HMGCLL1: variants seen among roughly 807,000 people sequenced by gnomAD.
HMGCLL1 encodes the protein 3-hydroxymethyl-3-methylglutaryl-CoA lyase, cytoplasmic.
HMGCLL1 carries 36 observed loss-of-function variants against 39.1 expected under a neutral mutation model. The observed-to-expected ratio is 0.92, with a 90% confidence interval of 0.71 to 1.22. HMGCLL1 has a LOEUF of 1.22. Among genes scored for constraint, HMGCLL1 ranks in the 50% most tolerant of loss-of-function variants. The pLI is 0.00. For missense variants in HMGCLL1, 451 were observed against 416.5 expected, an observed-to-expected ratio of 1.08 and a Z score of -0.72; for synonymous variants, 149 against 144.0, an observed-to-expected ratio of 1.03 and a Z score of -0.25.
At chr6:55,556,387 C>T (rs1770667800) in intron 1 of HMGCLL1, among the ~76,000 whole-genome samples, 1 of 152,108 alleles carries the variant, frequency 6.6e-6, no homozygotes, top group Non-Finnish European at 1.5e-5. Context: ...TCCTGAGGAA[C>T]AGCCTTCTAT....
At chr6:55,641,036 ATAAAT>A in the HMGCLL1 span, among the ~76,000 whole-genome samples, 1 of 151,872 alleles carries the variant, frequency 6.6e-6, no homozygotes. Flanking sequence ...CCATTAAGAA[ATAAAT>A]TAGAGTAATA....
chr6:55,579,684 G>C (rs760199463), upstream of HMGCLL1, among the ~76,000 whole-genome samples: 1 of 152,222 alleles, frequency 6.6e-6, no homozygotes, highest in South Asian at 2.1e-4. Flanking sequence ...GGTACTCTCA[G>C]AGGTACGTTC....
intron 7 of HMGCLL1, among the ~76,000 whole-genome samples, chr6:55,456,530 A>C (rs1233944714): frequency 1.3e-5 from 2 of 152,220 alleles, no homozygotes; most frequent in African/African-American, 4.8e-5. Flanking sequence ...TCTTCATCAC[A>C]GGAGACTGAT....
chr6:55,528,020 C>T (rs1432533801), intron 3 of HMGCLL1, among the ~76,000 whole-genome samples: 1 of 151,820 alleles, frequency 6.6e-6, no homozygotes, highest in Non-Finnish European at 1.5e-5. Flanking sequence ...ACCTATAAGC[C>T]CTCATTTTTC....
At position 55,522,031 on chromosome 6, in the gene HMGCLL1, G is replaced by A. The variant is rs1398973733; in HGVS notation, c.298-5428C>T. ...CTTATTGCTGAAACGGAGAAAGTTT[G>A]AGTGGTCTAGGCAGAAGATCAAACC... On this transcript the variant is annotated intron_variant, in intron 3 of 8. Coordinates refer to ENST00000274901, the MANE Select transcript of HMGCLL1 (RefSeq NM_001042406.2). Among the ~76,000 whole-genome samples, 3 of 151,954 alleles carry A rather than the reference G, an allele frequency of 2.0e-5. No homozygotes were observed. In the East Asian group the frequency reaches 5.8e-4, roughly 29 times the overall value.
At chr6:55,484,254 C>A (rs934004456) in intron 7 of HMGCLL1, among the ~76,000 whole-genome samples, 1 of 151,912 alleles carries the variant, frequency 6.6e-6, no homozygotes, top group Non-Finnish European at 1.5e-5. Flanking sequence ...TTCTTGAAAC[C>A]CTTTTTTGAG....
the HMGCLL1 span, among the ~76,000 whole-genome samples, chr6:55,655,344 C>G: frequency 8.1e-3 from 1,222 of 151,698 alleles, 62 homozygotes; most frequent in East Asian, 0.1. Flanking sequence ...CTCCATCCCC[C>G]TCCTGTTACA....
At chr6:55,591,733 T>C in the HMGCLL1 span, among the ~76,000 whole-genome samples, 3 of 151,730 alleles carry the variant, frequency 2.0e-5, no homozygotes, top group African/African-American at 4.8e-5. Flanking sequence ...TTGCCAAAAG[T>C]TTCCCAGAGT....
At chr6:55,531,500 G>GT (rs550226021) in intron 3 of HMGCLL1, among the ~76,000 whole-genome samples, 1,996 of 152,180 alleles carry the variant, frequency 0.013, 29 homozygotes, top group Non-Finnish European at 0.022. Flanking sequence ...GCTTTGAAAG[G>GT]TTTTTTTCTC....
At position 55,574,567 on chromosome 6, in the gene HMGCLL1, T is replaced by A. The variant is rs368865923; in HGVS notation, c.108+4381A>T. Among the ~76,000 whole-genome samples, 30 of 151,638 alleles carry A rather than the reference T, an allele frequency of 2.0e-4. No homozygotes were observed. In the East Asian group the frequency reaches 2.5e-3, roughly 13 times the overall value. On this transcript the variant is annotated intron_variant, in intron 1 of 8. Transcript: ENST00000274901. ...GTCAATTCAGGGGGAAAATGAGAAA[T>A]TAAAATGCTACATGATTTCAAAAGA...
chr6:55,587,810 C>T, the HMGCLL1 span, among the ~76,000 whole-genome samples: 1 of 151,998 alleles, frequency 6.6e-6, no homozygotes. Flanking sequence ...ACAAAGAAGG[C>T]CATCACATAA....
the HMGCLL1 span, among the ~76,000 whole-genome samples, chr6:55,650,090 C>CATATATATATATATATAT: frequency 3.1e-4 from 16 of 52,254 alleles, no homozygotes; most frequent in South Asian, 1.2e-3. Flanking sequence ...CACACATATA[C>CATATATATATATATATAT]ATATATATAT....
In HMGCLL1 at chr6:55,499,327, A is replaced by G. The variant is rs764873921; in HGVS notation, c.543-28T>C. ...AAATTAAAAATACAGCCTTATAAATATGCATATGGTAAATAAGCCATTTCC... is the reference window on the plus strand; with the variant it reads ...AAATTAAAAATACAGCCTTATAAATGTGCATATGGTAAATAAGCCATTTCC... On this transcript the variant is annotated intron_variant, in intron 5 of 8. Transcript: ENST00000274901. 78 of 1,519,708 alleles carry G rather than the reference A, an allele frequency of 5.1e-5. No individual in the cohort carries two copies. In the East Asian group the frequency reaches 1.6e-3, roughly 32 times the overall value. 94.1% of individuals were successfully genotyped at this position (1,519,708 alleles called of 1,614,324 possible). A position where few individuals can be genotyped will look rare whatever the true frequency, so the allele number is the denominator to read the frequency against.
chr6:55,474,715 A>G (rs1373996565), intron 7 of HMGCLL1, among the ~76,000 whole-genome samples: 1 of 151,466 alleles, frequency 6.6e-6, no homozygotes, highest in Non-Finnish European at 1.5e-5. Context: ...TTGAAAGCCT[A>G]CACATTGTAT....
chr6:55,659,500 A>G, the HMGCLL1 span, among the ~76,000 whole-genome samples: 1 of 151,942 alleles, frequency 6.6e-6, no homozygotes, highest in Non-Finnish European at 1.5e-5. Flanking sequence ...AATAACTGGC[A>G]TAATTGGTTA....
intron 3 of HMGCLL1, among the ~76,000 whole-genome samples, chr6:55,519,420 C>G (rs73449034): frequency 0.056 from 8,479 of 152,106 alleles, 282 homozygotes; most frequent in African/African-American, 0.08. Context: ...TTATAGCCTT[C>G]CTTTGTAAAT....
chr6:55,574,098 T>TTA (rs1350801335), intron 1 of HMGCLL1, among the ~76,000 whole-genome samples: 1 of 152,004 alleles, frequency 6.6e-6, no homozygotes, highest in East Asian at 1.9e-4. Context: ...TCATTTATAC[T>TTA]TATAAACATC....
chr6:55,564,840 C>CAA (rs36040810), intron 1 of HMGCLL1, among the ~76,000 whole-genome samples: 1 of 134,736 alleles, frequency 7.4e-6, no homozygotes. Context: ...TGAAAGTTTT[C>CAA]AAAAAAAAAA....
intron 8 of HMGCLL1, among the ~76,000 whole-genome samples, chr6:55,437,013 A>G (rs1763398191): frequency 6.6e-6 from 1 of 152,030 alleles, no homozygotes. Context: ...TTTCACTTAT[A>G]AATTACATCC....
Sources: gnomAD v4.1 joint callset for allele counts (sites outside exome capture counted in the v4.1 genomes callset) on GRCh38, gnomAD v4.1.1 for gene constraint, MANE v1.5 for transcripts, NCBI Gene and HGNC (gene_info 2026-07-23, HGNC 2026-07-21) for gene names.